MAPK10: variants seen among roughly 807,000 people sequenced by gnomAD.
The protein encoded by MAPK10 is mitogen-activated protein kinase 10, also known as JNK3 alpha protein kinase.
In MAPK10, 25 loss-of-function variants were observed where a neutral mutation model predicts 59.3. That is an observed-to-expected ratio of 0.42 (90% CI 0.31 to 0.59). MAPK10 has a LOEUF of 0.59. Ranked by LOEUF, MAPK10 falls within the 20% of genes least tolerant of loss-of-function variation. MAPK10 has a pLI of 0.15. For missense variants in MAPK10, 351 were observed against 568.9 expected, an observed-to-expected ratio of 0.62 and a Z score of 3.90; for synonymous variants, 190 against 200.5, an observed-to-expected ratio of 0.95 and a Z score of 0.44.
At chr4:86,127,680 A>G (rs1315981425) in intron 4 of MAPK10, 2 of 152,066 alleles carry the variant, frequency 1.3e-5, no homozygotes, top group Non-Finnish European at 2.9e-5. Context: ...CCTGAGGCAC[A>G]AAGACTCCAG....
intron 1 of MAPK10, among the ~76,000 whole-genome samples, chr4:86,524,845 CAA>C (rs35177743): frequency 5.2e-4 from 51 of 98,948 alleles, no homozygotes; most frequent in Non-Finnish European, 3.8e-4. Context: ...TAGGTTGGTG[CAA>C]AAAAAAAAAA....
At chr4:86,256,906 T>C (rs1371705643) in intron 2 of MAPK10, among the ~76,000 whole-genome samples, 2 of 118,170 alleles carry the variant, frequency 1.7e-5, no homozygotes, top group East Asian at 2.1e-4. Flanking sequence ...GCGCCCGCCA[T>C]TGCGCCCGTC....
chr4:86,103,379 T>C, intron 5 of MAPK10, 135 bp from the exon 6 acceptor site: 2 of 594,528 alleles, frequency 3.4e-6, no homozygotes, highest in Non-Finnish European at 3.0e-6. Flanking sequence ...AAAAATGTCT[T>C]GAGCTGTCTC....
chr4:86,293,195 C>CT, intron 2 of MAPK10, among the ~76,000 whole-genome samples: 2 of 152,042 alleles, frequency 1.3e-5, no homozygotes, highest in African/African-American at 4.8e-5. Flanking sequence ...CAAAATGTCC[C>CT]CTAGAATTTC....
At chr4:86,359,288 C>CTCTCTCTGTGTGTGTGTGTGTG (rs796310826) in intron 1 of MAPK10, among the ~76,000 whole-genome samples, 1 of 94,634 alleles carries the variant, frequency 1.1e-5, no homozygotes, top group African/African-American at 5.3e-5. Flanking sequence ...CTCTCTCTCT[C>CTCTCTCTGTGTGTGTGTGTGTG]TGTGTGTGTG....
At chr4:86,187,060 GT>G (rs970025898) in intron 3 of MAPK10, among the ~76,000 whole-genome samples, 1 of 152,036 alleles carries the variant, frequency 6.6e-6, no homozygotes, top group African/African-American at 2.4e-5. Context: ...ATTATAGTGG[GT>G]TTAGAGATAC....
rs76967436 is a variant in MAPK10, at chr4:86,350,039, T to C, written c.-7+4491A>G. Among the ~76,000 whole-genome samples the C allele has an allele frequency of 8.7e-3, 1,320 of 152,042 alleles. 24 individuals carry two copies. Among genetic ancestry groups the C allele is most frequent in the African/African-American group, 0.03 (1,241 of 41,470 alleles). On this transcript the variant is annotated intron_variant, in intron 2 of 13. Transcript: ENST00000641462. ...TATCTAAAATGGGGATGGATGGGAG[T>C]ATGACATATCATTTTTTGTTTTGTG...
chr4:86,157,730 A>G (rs1386602061), intron 4 of MAPK10, among the ~76,000 whole-genome samples: 1 of 151,486 alleles, frequency 6.6e-6, no homozygotes, highest in Non-Finnish European at 1.5e-5. Context: ...GAGGCCCAAA[A>G]TATCCTATAA....
chr4:86,079,605 A>G (rs1486652590), intron 9 of MAPK10: 2 of 152,212 alleles, frequency 1.3e-5, no homozygotes, highest in East Asian at 1.9e-4. Context: ...GTAATTTGGC[A>G]TCTCTATTTT....
At chr4:86,150,610 T>C (rs2066174293) in intron 4 of MAPK10, among the ~76,000 whole-genome samples, 3 of 151,990 alleles carry the variant, frequency 2.0e-5, no homozygotes, top group Admixed American at 2.0e-4. Flanking sequence ...GCCTGTAATC[T>C]CAGCACTTTG....
intron 1 of MAPK10, among the ~76,000 whole-genome samples, chr4:86,572,777 A>G (rs1022251627): frequency 3.3e-5 from 5 of 152,190 alleles, no homozygotes; most frequent in African/African-American, 1.2e-4. Flanking sequence ...GCAACATTTG[A>G]AAGTTCCCGC....
At chr4:86,034,911 G>C (rs2039884848) in intron 11 of MAPK10, among the ~76,000 whole-genome samples, 1 of 152,156 alleles carries the variant, frequency 6.6e-6, no homozygotes, top group South Asian at 2.1e-4. Context: ...GGTGGTGGTG[G>C]TGGTGGTAGT....
intron 1 of MAPK10, among the ~76,000 whole-genome samples, chr4:86,478,360 A>G (rs889133790): frequency 6.6e-5 from 10 of 152,204 alleles, no homozygotes; most frequent in African/African-American, 1.9e-4. Context: ...TTCTTACACA[A>G]GAACCGGGAC....
chr4:86,255,126 T>A (rs746500581), intron 2 of MAPK10, among the ~76,000 whole-genome samples: 7 of 151,900 alleles, frequency 4.6e-5, no homozygotes, highest in Non-Finnish European at 8.8e-5. Context: ...AAATTGGAGA[T>A]GTGGTAGGAT....
In MAPK10 at chr4:86,067,821, A is replaced by G; in HGVS notation, c.937T>C (p.Phe313Leu). ...TCCGCTGGGAAGAGGGAATCTGGGA[A>G]GAGTTTGGGGAAGGTGAGTCCCGCA... ...KYAGLTFPKL[F>L]PDSLFPADSE... The change falls in exon 10 of 14, where the codon TTC becomes CTC. Residue 313 changes from phenylalanine to leucine, a missense_variant. Coordinates refer to ENST00000641462, the MANE Select transcript of MAPK10 (RefSeq NM_138982.4). 6.2e-7 allele frequency: 1 copy of G among 1,613,928 alleles called. No individual in the cohort carries two copies. The highest frequency in any genetic ancestry group is 8.5e-7 in the Non-Finnish European group (1 of 1,179,914).
chr4:86,479,740 T>C (rs577028932), intron 1 of MAPK10, among the ~76,000 whole-genome samples: 10 of 152,282 alleles, frequency 6.6e-5, no homozygotes, highest in African/African-American at 2.4e-4. Flanking sequence ...GTCCTCCCAA[T>C]TCTTACTCCT....
At chr4:86,089,132 G>T in intron 9 of MAPK10, 1 of 1,098,194 alleles carries the variant, frequency 9.1e-7, no homozygotes. Context: ...ACCATAAGCA[G>T]TACTGCATTT....
At chr4:86,190,760 T>C (rs1020712374) in intron 3 of MAPK10, among the ~76,000 whole-genome samples, 10 of 152,190 alleles carry the variant, frequency 6.6e-5, no homozygotes, top group Admixed American at 1.3e-4. Flanking sequence ...TCTGCTCTGA[T>C]CTTAGTTATT....
chr4:86,467,441 A>T lies in MAPK10; in HGVS notation c.-262-112797T>A, dbSNP rs114651026. Among the ~76,000 whole-genome samples, 447 of 152,290 alleles carry T rather than the reference A, an allele frequency of 2.9e-3. 4 individuals are homozygous for T. The highest frequency in any genetic ancestry group is 0.01 in the African/African-American group (428 of 41,558). The stretch of plus-strand genomic sequence containing the variant: ...CAAAAATGGCCAAAGCAATCTTGAC[A>T]TTTCTTAAATCAGGTGATGTATAGA... On this transcript the variant is annotated intron_variant, in intron 1 of 4. Transcript: ENST00000502302.
Sources: allele counts gnomAD v4.1 joint callset (sites outside exome capture counted in the v4.1 genomes callset), GRCh38; gene constraint gnomAD v4.1.1; transcripts MANE v1.5; gene names NCBI Gene and HGNC (gene_info 2026-07-23, HGNC 2026-07-21).